Variants in SLF1 observed in about 807,000 individuals in gnomAD.
The protein encoded by SLF1 is SMC5-SMC6 complex localization factor protein 1.
A neutral mutation model predicts 123.0 loss-of-function variants in SLF1; 105 were observed. That is an observed-to-expected ratio of 0.85 (90% CI 0.73 to 1.00). SLF1 has a LOEUF of 1.00. Among genes scored for constraint, SLF1 ranks in the 50% least tolerant of loss-of-function variants. The pLI is 0.00. For synonymous variants in SLF1, 434 were observed against 406.6 expected (o/e 1.07, Z -0.81); for missense variants, 1,239 against 1,223.0 (o/e 1.01, Z -0.20).
Position 94,694,931 on chromosome 5 carries a change from A to G in SLF1, c.2796A>G (p.Ile932Met). The G allele has an allele frequency of 6.2e-7, 1 of 1,612,112 alleles. No homozygotes were observed. Among genetic ancestry groups the G allele is most frequent in the South Asian group, 1.1e-5 (1 of 90,792 alleles). Residue 932 changes from isoleucine (I) to methionine (M), a missense_variant, in exon 21 of 21, where the codon ATA (isoleucine) becomes ATG (methionine). Ile to Met is a conservative substitution (Grantham distance 10, BLOSUM62 1). Coordinates refer to ENST00000265140, the MANE Select transcript of SLF1 (RefSeq NM_032290.4). Reference protein sequence around the residue: ...IKEELFAITKIEDTVENFHAQ... With the variant: ...IKEELFAITKMEDTVENFHAQ... ...AAGAACTGTTTGCTATTACAAAAAT[A>G]GAAGATACAGTGGAGAACTTTCATG...
Position 94,689,539 on chromosome 5 carries a change from G to T in SLF1, c.2352G>T (p.Leu784Phe), listed in dbSNP as rs1010924980. Residue 784 changes from leucine to phenylalanine, a missense_variant, in exon 18 of 21, where the codon TTG becomes TTT. Coordinates refer to ENST00000265140, the MANE Select transcript of SLF1 (RefSeq NM_032290.4). ...TGAAAAAGAAGTCAGAAGGAGAATT[G>T]TCATGTTCCAAGGAGAATTGCCCCT... ...KKLKKKSEGE[L>F]SCSKENCPSV... The T allele has an allele frequency of 3.1e-6, 5 of 1,611,766 alleles. No individual in the cohort carries two copies. The African/African-American group carries it at 6.7e-5, about 22-fold the overall frequency.
chr5:94,673,834 A>AT lies in SLF1; in HGVS notation c.1827+2837dup, dbSNP rs951325261. 1.3e-3 allele frequency among the ~76,000 whole-genome samples: 186 copies of AT among 147,292 alleles called. 2 individuals are homozygous for AT. Among genetic ancestry groups the AT allele is most frequent in the African/African-American group, 2.9e-3 (118 of 40,300 alleles). Reference sequence around the variant, plus strand: ...AAAAGTTAGTTCTTTTTGAGGTACTATTTTTTTTTTTCTAAATCAGCATTA... The same window carrying AT: ...AAAAGTTAGTTCTTTTTGAGGTACTATTTTTTTTTTTTCTAAATCAGCATTA... On this transcript the variant is annotated intron_variant, in intron 14 of 20. Coordinates refer to ENST00000265140, the MANE Select transcript of SLF1 (RefSeq NM_032290.4).
chr5:94,674,231 G>A (rs1407486576), intron 14 of SLF1, among the ~76,000 whole-genome samples: 1 of 151,972 alleles, frequency 6.6e-6, no homozygotes, highest in Non-Finnish European at 1.5e-5. Flanking sequence ...AAATGATGTT[G>A]TCACAATTTT....
intron 9 of SLF1, among the ~76,000 whole-genome samples, chr5:94,661,963 GTT>G (rs967912022): frequency 1.1e-4 from 16 of 152,018 alleles, no homozygotes; most frequent in African/African-American, 1.7e-4. Flanking sequence ...CATAACTGAT[GTT>G]TTTTTCTCCT....
chr5:94,641,569 A>G (rs1418322025), intron 4 of SLF1, among the ~76,000 whole-genome samples: 1 of 152,112 alleles, frequency 6.6e-6, no homozygotes, highest in Non-Finnish European at 1.5e-5. Flanking sequence ...TGTGCTTATT[A>G]TGGGGACTGG....
chr5:94,684,481 A>G lies in SLF1; in HGVS notation c.1976-2092A>G, dbSNP rs547482006. Among the ~76,000 whole-genome samples the G allele has an allele frequency of 1.6e-3, 244 of 152,040 alleles. 4 individuals are homozygous for G. Among genetic ancestry groups the G allele is most frequent in the Middle Eastern group, 6.8e-3 (2 of 294 alleles). On this transcript the variant is annotated intron_variant, in intron 15 of 20. Coordinates refer to ENST00000265140, the MANE Select transcript of SLF1 (RefSeq NM_032290.4). ...TGGGAGGCCAAGGCGGGCAGATCAC[A>G]AGGTCAGGAGATTGAGACCATCCTG...
chr5:94,627,702 G>C (rs1481763102), intron 1 of SLF1, among the ~76,000 whole-genome samples: 1 of 148,520 alleles, frequency 6.7e-6, no homozygotes, highest in Non-Finnish European at 1.5e-5. Context: ...GAGACCATGA[G>C]TTCTATTAAC....
At position 94,696,169 on chromosome 5, in the gene SLF1, AAAAG is replaced by A. The variant is rs1416833586; in HGVS notation, c.*862_*865del. 6.6e-5 allele frequency: 10 copies of A among 151,940 alleles called. No homozygotes were observed. Among genetic ancestry groups the A allele is most frequent in the Admixed American group, 2.0e-4 (3 of 15,218 alleles). The allele number at this position is 151,940 out of a possible 1,614,324, so 9.4% of individuals were successfully genotyped here. On this transcript the variant is annotated 3_prime_UTR_variant, in exon 21 of 21. Transcript: ENST00000265140. ...CCTTATAGCAGTTTGTAGTAAAACT[AAAAG>A]AAAGGGTGTGGATAATAACCACTTT...
At chr5:94,627,664 T>C (rs1744669609) in intron 1 of SLF1, among the ~76,000 whole-genome samples, 1 of 144,274 alleles carries the variant, frequency 6.9e-6, no homozygotes, top group Admixed American at 7.0e-5. Context: ...CTAGGATTAT[T>C]ATGTGTACCC....
At chr5:94,649,343 C>T in intron 5 of SLF1, 111 bp from the exon 6 acceptor site, 1 of 889,400 alleles carries the variant, frequency 1.1e-6, no homozygotes, top group Non-Finnish European at 1.6e-6. Context: ...GTGCATTTTA[C>T]CTACTTGTTT....
At chr5:94,669,463 GT>G (rs1446022139) in intron 12 of SLF1, among the ~76,000 whole-genome samples, 1 of 152,058 alleles carries the variant, frequency 6.6e-6, no homozygotes, top group Non-Finnish European at 1.5e-5. Flanking sequence ...AGAGTTCTGA[GT>G]AATCTTCTAT....
At chr5:94,666,638 G>T (rs1490273699) in intron 12 of SLF1, among the ~76,000 whole-genome samples, 4 of 151,824 alleles carry the variant, frequency 2.6e-5, no homozygotes, top group Non-Finnish European at 5.9e-5. Context: ...CTTCTGGGAA[G>T]ATCTTTTCTT....
intron 8 of SLF1, among the ~76,000 whole-genome samples, chr5:94,654,185 A>G (rs1454595559): frequency 6.6e-6 from 1 of 152,066 alleles, no homozygotes; most frequent in Non-Finnish European, 1.5e-5. Flanking sequence ...ATAAATACCT[A>G]AATACATAAA....
At chr5:94,645,346 G>C (rs777062836) in intron 5 of SLF1, among the ~76,000 whole-genome samples, 3 of 152,188 alleles carry the variant, frequency 2.0e-5, no homozygotes, top group Non-Finnish European at 4.4e-5. Context: ...CGCTACTTAA[G>C]TTGCTGGATT....
chr5:94,671,016 G>T lies in SLF1; in HGVS notation c.1827+8G>T. The T allele has an allele frequency of 1.3e-6, 2 of 1,497,888 alleles. No homozygotes were observed. Among genetic ancestry groups the T allele is most frequent in the Non-Finnish European group, 1.8e-6 (2 of 1,104,508 alleles). The allele number at this position is 1,497,888 out of a possible 1,614,324, so 92.8% of individuals were successfully genotyped here. ...AAATTCAAGTCTAATGATGTAAGTA[G>T]GATTAATTTATAGATGAATAGTCTA... On this transcript the variant is annotated splice_region_variant and intron_variant, in intron 14 of 20. Coordinates refer to ENST00000265140, the MANE Select transcript of SLF1 (RefSeq NM_032290.4).
intron 5 of SLF1, 90 bp from the exon 6 acceptor site, chr5:94,649,364 G>A: frequency 9.2e-7 from 1 of 1,088,584 alleles, no homozygotes; most frequent in Non-Finnish European, 1.2e-6. Context: ...GACTAACAAA[G>A]TATTATAGTT....
intron 1 of SLF1, among the ~76,000 whole-genome samples, chr5:94,621,883 T>TAC (rs145332421): frequency 0.24 from 36,625 of 150,254 alleles, 4,586 homozygotes; most frequent in Non-Finnish European, 0.27. Flanking sequence ...TTAATATTTA[T>TAC]ACACACACAC....
intron 14 of SLF1, among the ~76,000 whole-genome samples, chr5:94,678,114 G>T (rs566460456): frequency 2.0e-5 from 3 of 152,090 alleles, no homozygotes; most frequent in South Asian, 4.2e-4. Context: ...TAGAGACGGG[G>T]TTTCACCGTG....
At position 94,695,381 on chromosome 5, in the gene SLF1, A is replaced by G. The variant is rs905205581; in HGVS notation, c.*69A>G. 1.4e-5 allele frequency: 20 copies of G among 1,456,418 alleles called. No individual in the cohort carries two copies. The highest frequency in any genetic ancestry group is 1.8e-5 in the Non-Finnish European group (20 of 1,095,348). 90.2% of individuals were successfully genotyped at this position (1,456,418 alleles called of 1,614,324 possible). A position where few individuals can be genotyped will look rare whatever the true frequency, so the allele number is the denominator to read the frequency against. On this transcript the variant is annotated 3_prime_UTR_variant, in exon 21 of 21. Transcript: ENST00000265140. ...TGCATTGGTACTTACTGTGGACTTCATAGCTTACTGACAGATAGTAATTTG... is the reference window on the plus strand; with the variant it reads ...TGCATTGGTACTTACTGTGGACTTCGTAGCTTACTGACAGATAGTAATTTG...
Sources: gnomAD v4.1 joint callset for allele counts (sites outside exome capture counted in the v4.1 genomes callset) on GRCh38, gnomAD v4.1.1 for gene constraint, MANE v1.5 for transcripts, NCBI Gene and HGNC (gene_info 2026-07-23, HGNC 2026-07-21) for gene names.